The following DUSP8 variants were observed in gnomAD, a reference collection of about 807,000 sequenced individuals.
DUSP8 encodes dual specificity phosphatase 8.
In DUSP8, 15 loss-of-function variants were observed where a neutral mutation model predicts 38.7. The observed-to-expected ratio is 0.39, with a 90% CI of 0.26 to 0.60. The LOEUF is 0.60. Among genes scored for constraint, DUSP8 ranks in the 20% least tolerant of loss-of-function variants. The probability of loss-of-function intolerance (pLI) is 0.56; values close to 1 mark genes in which losing one functional copy is unlikely to be tolerated. For synonymous variants in DUSP8, 458 were observed against 433.9 expected, an observed-to-expected ratio of 1.06 and a Z score of -0.69; for missense variants, 768 against 915.0, an observed-to-expected ratio of 0.84 and a Z score of 2.07.
At chr11:1,568,201 G>A (rs1165352516) in intron 1 of DUSP8, among the ~76,000 whole-genome samples, 1 of 152,188 alleles carries the variant, frequency 6.6e-6, no homozygotes, top group Non-Finnish European at 1.5e-5. Flanking sequence ...CCAGTGCAGG[G>A]AGGAGGGCAG....
intron 3 of DUSP8, among the ~76,000 whole-genome samples, chr11:1,560,213 C>A (rs1029687572): frequency 1.3e-5 from 2 of 152,152 alleles, no homozygotes; most frequent in African/African-American, 4.8e-5. Flanking sequence ...TGAGGCCTGC[C>A]CTATCCCATT....
In DUSP8 at chr11:1,556,305, G is replaced by T; in HGVS notation, c.*213C>A. On this transcript the variant is annotated 3_prime_UTR_variant, in exon 7 of 7. Transcript: ENST00000397374. This position sits in a 1 kb window ranked among gnomAD's most constrained non-coding sequence, Gnocchi z 5.2. ...GTATTGCTTAGAAACGTATGTTTCA[G>T]TTTAAATACCAGACAGTAAAAATAG... 4.9e-6 allele frequency: 3 copies of T among 618,198 alleles called. No individual in the cohort carries two copies. Among genetic ancestry groups the T allele is most frequent in the Non-Finnish European group, 4.6e-6 (2 of 431,502 alleles). The allele number at this position is 618,198 out of a possible 1,614,324, so 38.3% of individuals were successfully genotyped here.
Position 1,556,880 on chromosome 11 carries a change from CG to C in DUSP8, c.1515del (p.Ala507ProfsTer157). 1.8e-6 allele frequency: 2 copies of C among 1,103,534 alleles called. No homozygotes were observed. Among genetic ancestry groups the C allele is most frequent in the Non-Finnish European group, 2.2e-6 (2 of 906,554 alleles). The allele number at this position is 1,103,534 out of a possible 1,614,324, so 68.4% of individuals were successfully genotyped here. A position where few individuals can be genotyped will look rare whatever the true frequency, so the allele number is the denominator to read the frequency against. ...GAGTCGAGCGGCGGTGCCCAGGCCC[CG>C]GGGCCGGCCGGCTGGCCAGGGCCGG... ...GLPGPGQPAG[P>X]GAWAPPLDSP... is the part of the protein sequence containing the mutation. On this transcript the variant is annotated frameshift_variant, in exon 7 of 7. Transcript: ENST00000397374. LOFTEE classifies it high-confidence loss of function. The surrounding 1 kb of genome is among the most constrained non-coding windows in gnomAD (Gnocchi z 5.2).
In DUSP8 at chr11:1,557,582, G is replaced by T; in HGVS notation, c.822-8C>A. 3 of 1,563,994 alleles carry T rather than the reference G, an allele frequency of 1.9e-6. No individual in the cohort carries two copies. The highest frequency in any genetic ancestry group is 2.6e-6 in the Non-Finnish European group (3 of 1,163,536). The stretch of plus-strand genomic sequence containing the variant: ...CGCCTGTCCTTCACGAACCTGCGGG[G>T]GAGGAGGCTCAGTCCCAGGCGCCCG... On this transcript the variant is annotated splice_polypyrimidine_tract_variant and splice_region_variant and intron_variant, in intron 6 of 6. Transcript: ENST00000397374. This position sits in a 1 kb window ranked among gnomAD's most constrained non-coding sequence, Gnocchi z 9.9.
At chr11:1,568,863 T>C (rs950789076) in intron 1 of DUSP8, among the ~76,000 whole-genome samples, 4 of 152,120 alleles carry the variant, frequency 2.6e-5, no homozygotes, top group Admixed American at 1.3e-4. Flanking sequence ...TGGGAGAGCA[T>C]CCTCACCCAC....
At position 1,557,678 on chromosome 11, in the gene DUSP8, G is replaced by T. The variant is rs1328145584; in HGVS notation, c.822-104C>A. 2.6e-6 allele frequency: 4 copies of T among 1,564,024 alleles called. No homozygotes were observed. Among genetic ancestry groups the T allele is most frequent in the Non-Finnish European group, 3.5e-6 (4 of 1,154,228 alleles). ...GCTCATGTGCGCCAGGCTGGTCTCA[G>T]GCCCTCCTCCCTTGCCACGGGTCCT... On this transcript the variant is annotated intron_variant, in intron 6 of 6. Transcript: ENST00000397374. This position sits in a 1 kb window ranked among gnomAD's most constrained non-coding sequence, Gnocchi z 9.9.
rs1397993980 is a variant in DUSP8, at chr11:1,571,953, C to G, written c.-161G>C. On this transcript the variant is annotated 5_prime_UTR_variant, in exon 1 of 7. Transcript: ENST00000397374. ...CCGGGGACCCGCGCCGCGCTCAGGG[C>G]GCCCGCTCGGCCGCGCCGTCCATGG... 1 of 145,666 alleles carries G rather than the reference C, an allele frequency of 6.9e-6. No individual in the cohort carries two copies. Among genetic ancestry groups the G allele is most frequent in the Non-Finnish European group, 1.5e-5 (1 of 65,622 alleles). The allele number at this position is 145,666 out of a possible 1,614,324, so 9.0% of individuals were successfully genotyped here.
intron 3 of DUSP8, 100 bp from the exon 4 acceptor site, chr11:1,559,155 G>T: frequency 1.6e-6 from 2 of 1,229,664 alleles, no homozygotes; most frequent in South Asian, 1.4e-5. Context: ...TACTGCTGAG[G>T]ATCAGTCACA....
chr11:1,567,107 C>A (rs1448263748), intron 1 of DUSP8, among the ~76,000 whole-genome samples: 1 of 152,180 alleles, frequency 6.6e-6, no homozygotes, highest in Admixed American at 6.5e-5. Context: ...CAGATGGGCA[C>A]TGGGTGTCCC....
intron 3 of DUSP8, among the ~76,000 whole-genome samples, chr11:1,562,919 G>A (rs1223730665): frequency 6.6e-6 from 1 of 152,108 alleles, no homozygotes; most frequent in Non-Finnish European, 1.5e-5. Flanking sequence ...TGCCCTTTAG[G>A]TCCCAGGACA....
intron 1 of DUSP8, among the ~76,000 whole-genome samples, chr11:1,568,230 G>A (rs1320253915): frequency 2.6e-5 from 4 of 152,160 alleles, no homozygotes; most frequent in Admixed American, 1.3e-4. Flanking sequence ...AGAGGCCCTC[G>A]CCCTCTCTGC....
rs1848604667 is a variant in DUSP8, at chr11:1,555,288, A to G, written c.*1230T>C. 1 of 987,786 alleles carries G rather than the reference A, an allele frequency of 1.0e-6. No individual in the cohort carries two copies. The highest frequency in any genetic ancestry group is 1.2e-6 in the Non-Finnish European group (1 of 830,192). 61.2% of individuals were successfully genotyped at this position (987,786 alleles called of 1,614,324 possible). ...GGGGTGAATGGGAGTTTCTCTCCTG[A>G]GCGGCCCCATGGGGGTGGGGGCAAA... On this transcript the variant is annotated 3_prime_UTR_variant, in exon 7 of 7. Transcript: ENST00000397374.
At chr11:1,561,023 T>G (rs1332192227) in intron 3 of DUSP8, among the ~76,000 whole-genome samples, 1 of 152,022 alleles carries the variant, frequency 6.6e-6, no homozygotes, top group Non-Finnish European at 1.5e-5. Flanking sequence ...GCAGGTAGTG[T>G]GGATGTCCCT....
Position 1,556,646 on chromosome 11 carries a change from T to G in DUSP8, c.1750A>C (p.Lys584Gln). Reference protein sequence around the residue: ...PEEPAPETQFKRRSCQMEFEE... With the variant: ...PEEPAPETQFQRRSCQMEFEE... ...AACTCCATCTGGCAGCTGCGGCGCT[T>G]GAACTGCGTCTCCGGGGCCGGCTCC... The change falls in exon 7 of 7, where the codon AAG becomes CAG. Residue 584 changes from lysine (K) to glutamine (Q), a missense_variant. By Grantham distance (53) the Lys-to-Gln change is moderately conservative. Around this residue, in one of 3 missense-constraint regions of DUSP8, gnomAD observed 474 missense variants for 430.8 expected, o/e 1.10. Transcript: ENST00000397374. This position sits in a 1 kb window ranked among gnomAD's most constrained non-coding sequence, Gnocchi z 5.2. 7.1e-7 allele frequency: 1 copy of G among 1,414,314 alleles called. No homozygotes were observed. The highest frequency in any genetic ancestry group is 1.5e-5 in the South Asian group (1 of 68,334). 87.6% of individuals were successfully genotyped at this position (1,414,314 alleles called of 1,614,324 possible).
Position 1,567,805 on chromosome 11 carries a change from A to C in DUSP8, c.-108-1871T>G, listed in dbSNP as rs151084437. Among the ~76,000 whole-genome samples the C allele has an allele frequency of 5.4e-4, 82 of 152,292 alleles. 1 individual carries two copies. Among genetic ancestry groups the C allele is most frequent in the African/African-American group, 1.9e-3 (80 of 41,570 alleles). On this transcript the variant is annotated intron_variant, in intron 1 of 6. Transcript: ENST00000397374. ...CACAGGGTGGGGAACGAGGCCTGGG[A>C]GTCCTCTCCAGGGCCAGACCCAGCA...
intron 3 of DUSP8, among the ~76,000 whole-genome samples, chr11:1,563,473 C>G (rs1207205833): frequency 6.6e-6 from 1 of 152,034 alleles, no homozygotes; most frequent in Non-Finnish European, 1.5e-5. Context: ...GCCAGGCAAC[C>G]TGCACTCAGC....
intron 1 of DUSP8, among the ~76,000 whole-genome samples, chr11:1,570,774 G>A (rs1339390825): frequency 6.6e-6 from 1 of 152,148 alleles, no homozygotes; most frequent in Non-Finnish European, 1.5e-5. Flanking sequence ...TCCTGGTGGA[G>A]GGCTGGGGCC....
rs1359068682 is a variant in DUSP8, at chr11:1,556,288, T to C, written c.*230A>G. ...CGACTGAAGGTGGCCTCGTATTGCT[T>C]AGAAACGTATGTTTCAGTTTAAATA... On this transcript the variant is annotated 3_prime_UTR_variant, in exon 7 of 7. Coordinates refer to ENST00000397374, the MANE Select transcript of DUSP8 (RefSeq NM_004420.3). The surrounding 1 kb of genome is among the most constrained non-coding windows in gnomAD (Gnocchi z 5.2). 1 of 557,146 alleles carries C rather than the reference T, an allele frequency of 1.8e-6. No homozygotes were observed. The highest frequency in any genetic ancestry group is 2.6e-6 in the Non-Finnish European group (1 of 378,790). 34.5% of individuals were successfully genotyped at this position (557,146 alleles called of 1,614,324 possible).
chr11:1,564,120 G>A (rs1848765296), intron 2 of DUSP8, 131 bp from the exon 3 acceptor site: 6 of 1,170,550 alleles, frequency 5.1e-6, no homozygotes, highest in African/African-American at 1.6e-5. Flanking sequence ...TCACCTTGCT[G>A]CCTGGAGGGG....
Sources: allele counts gnomAD v4.1 joint callset (sites outside exome capture counted in the v4.1 genomes callset), GRCh38; gene constraint gnomAD v4.1.1; regional missense constraint gnomAD v4.1.1; non-coding constraint Gnocchi (gnomAD v3.1); transcripts MANE v1.5; gene names NCBI Gene and HGNC (gene_info 2026-07-23, HGNC 2026-07-21).